APP: variants seen among roughly 807,000 people sequenced by gnomAD.
APP encodes amyloid beta precursor protein, also known as amyloid-beta precursor protein.
In APP, 31 loss-of-function variants were observed where a neutral mutation model predicts 101.4. That is an observed-to-expected ratio of 0.31 (90% CI 0.23 to 0.41). The LOEUF (loss-of-function observed/expected upper bound fraction) is 0.41. APP is among the 10% of genes least tolerant of loss of function. The pLI, the probability that APP is intolerant of heterozygous loss-of-function variation, is 1.00. For synonymous variants in APP, 366 were observed against 364.4 expected (o/e 1.00, Z -0.05); for missense variants, 839 against 1,003.7 (o/e 0.84, Z 2.22).
At chr21:26,058,841 G>A (rs2046145766) in intron 3 of APP, among the ~76,000 whole-genome samples, 1 of 152,184 alleles carries the variant, frequency 6.6e-6, no homozygotes, top group Non-Finnish European at 1.5e-5. Flanking sequence ...CAGCACTTTG[G>A]GAGGCCGAGG....
intron 11 of APP, among the ~76,000 whole-genome samples, chr21:25,970,720 C>T (rs2041999951): frequency 6.6e-6 from 1 of 152,194 alleles, no homozygotes; most frequent in Non-Finnish European, 1.5e-5. Context: ...CGGCTCTACC[C>T]TCTCCCTTCC....
rs151120093 is a variant in APP, at chr21:26,121,491, G to A, written c.58-9345C>T. ...CAACCTCCACTTCCCTGGTTCAAGCGATTCTCCTGCCTCAGCCTCCTGAGT... is the reference window on the plus strand; with the variant it reads ...CAACCTCCACTTCCCTGGTTCAAGCAATTCTCCTGCCTCAGCCTCCTGAGT... On this transcript the variant is annotated intron_variant, in intron 1 of 17. Transcript: ENST00000346798. Among the ~76,000 whole-genome samples the A allele has an allele frequency of 6.6e-3, 999 of 151,966 alleles. 20 individuals carry two copies. The highest frequency in any genetic ancestry group is 0.037 in the East Asian group (189 of 5,170).
At chr21:25,884,742 T>G (rs1010393046) in intron 17 of APP, among the ~76,000 whole-genome samples, 2 of 152,226 alleles carry the variant, frequency 1.3e-5, no homozygotes, top group African/African-American at 4.8e-5. Flanking sequence ...GCTGCTATGT[T>G]TCTGATTGTA....
intron 13 of APP, among the ~76,000 whole-genome samples, chr21:25,913,756 C>T (rs2039199811): frequency 6.6e-6 from 1 of 152,196 alleles, no homozygotes; most frequent in Non-Finnish European, 1.5e-5. Context: ...CAGTACTTAT[C>T]TTCTTCCCTG....
chr21:25,895,389 C>A (rs2037970246), intron 16 of APP, among the ~76,000 whole-genome samples: 1 of 152,140 alleles, frequency 6.6e-6, no homozygotes, highest in African/African-American at 2.4e-5. Flanking sequence ...TGCTCTCGAC[C>A]TCCTGACCTT....
chr21:26,154,714 T>C (rs958988349), intron 1 of APP, among the ~76,000 whole-genome samples: 4 of 152,230 alleles, frequency 2.6e-5, no homozygotes, highest in Non-Finnish European at 5.9e-5. Flanking sequence ...ACTGGGCTCT[T>C]GATCCTTAAA....
intron 3 of APP, among the ~76,000 whole-genome samples, chr21:26,066,777 TTTTG>T (rs1438880175): frequency 6.6e-6 from 1 of 152,188 alleles, no homozygotes; most frequent in Non-Finnish European, 1.5e-5. Context: ...CTGGTTCGCC[TTTTG>T]TTTAATTATA....
chr21:26,091,665 C>A (rs887373113), intron 2 of APP, among the ~76,000 whole-genome samples: 5 of 152,002 alleles, frequency 3.3e-5, no homozygotes, highest in African/African-American at 1.2e-4. Flanking sequence ...AGATGACCAA[C>A]AGGTGGAGGA....
At chr21:25,958,339 T>C (rs1347854001) in intron 11 of APP, among the ~76,000 whole-genome samples, 1 of 152,170 alleles carries the variant, frequency 6.6e-6, no homozygotes, top group African/African-American at 2.4e-5. Context: ...TGCAGTGGCG[T>C]GATCTTGGCT....
intron 11 of APP, among the ~76,000 whole-genome samples, chr21:25,962,678 G>A (rs1044503921): frequency 7.9e-5 from 12 of 152,140 alleles, no homozygotes; most frequent in African/African-American, 2.7e-4. Context: ...ACTTCATAGC[G>A]TGCACAAACT....
At chr21:25,886,918 A>G (rs1205022364) in intron 17 of APP, among the ~76,000 whole-genome samples, 1 of 152,118 alleles carries the variant, frequency 6.6e-6, no homozygotes, top group Non-Finnish European at 1.5e-5. Context: ...ACATCTTTTT[A>G]TACAGTCACC....
intron 1 of APP, among the ~76,000 whole-genome samples, chr21:26,126,791 G>C (rs1324712748): frequency 6.6e-6 from 1 of 152,020 alleles, no homozygotes; most frequent in African/African-American, 2.4e-5. Flanking sequence ...CTTTACTTAG[G>C]GGGAAAGAGT....
At chr21:26,030,222 T>C (rs1262445887) in intron 5 of APP, among the ~76,000 whole-genome samples, 1 of 152,222 alleles carries the variant, frequency 6.6e-6, no homozygotes, top group South Asian at 2.1e-4. Flanking sequence ...AGTGTCAGGA[T>C]ATAAAAAGTG....
chr21:26,122,463 T>C (rs1171875390), intron 1 of APP, among the ~76,000 whole-genome samples: 1 of 152,222 alleles, frequency 6.6e-6, no homozygotes, highest in East Asian at 1.9e-4. Flanking sequence ...TATCGGGGGA[T>C]AAGGAGAGTG....
At chr21:25,896,413 AAC>A (rs1326669586) in intron 16 of APP, among the ~76,000 whole-genome samples, 1 of 143,680 alleles carries the variant, frequency 7.0e-6, no homozygotes, top group African/African-American at 2.5e-5. Context: ...GGAAAAAAGT[AAC>A]ACTCACACAC....
intron 17 of APP, among the ~76,000 whole-genome samples, chr21:25,891,508 C>A (rs191386897): frequency 6.6e-6 from 1 of 152,062 alleles, no homozygotes; most frequent in East Asian, 1.9e-4. Flanking sequence ...GTTGAGATAA[C>A]AACACACACT....
chr21:26,079,495 C>G (rs1193572725), intron 3 of APP, among the ~76,000 whole-genome samples: 2 of 152,162 alleles, frequency 1.3e-5, no homozygotes, highest in Admixed American at 1.3e-4. Flanking sequence ...TTTCAGACCA[C>G]CAGATCAGAC....
At chr21:26,034,644 AAAAAAG>A (rs1194604211) in intron 5 of APP, among the ~76,000 whole-genome samples, 4 of 126,836 alleles carry the variant, frequency 3.2e-5, no homozygotes, top group Non-Finnish European at 4.9e-5. Context: ...TTCTCAAAAA[AAAAAAG>A]AAAAAGAAAA....
intron 13 of APP, among the ~76,000 whole-genome samples, chr21:25,953,702 T>TA (rs1358776825): frequency 6.6e-6 from 1 of 152,246 alleles, no homozygotes; most frequent in Non-Finnish European, 1.5e-5. Flanking sequence ...TGAAGTAAGT[T>TA]AAACAGTTAT....
Sources: allele counts gnomAD v4.1 joint callset (sites outside exome capture counted in the v4.1 genomes callset), GRCh38; gene constraint gnomAD v4.1.1; transcripts MANE v1.5; gene names NCBI Gene and HGNC (gene_info 2026-07-23, HGNC 2026-07-21).